TCF4: variants seen among roughly 807,000 people sequenced by gnomAD.
The protein encoded by TCF4 is transcription factor 4, also known as SL3-3 enhancer factor 2.
Under a neutral mutation model 82.1 loss-of-function variants are expected in TCF4, and 3 were observed. That is an observed-to-expected ratio of 0.04 (90% CI 0.02 to 0.09). The LOEUF is 0.09. Ranked by LOEUF, TCF4 falls within the 10% of genes least tolerant of loss-of-function variation. The pLI is 1.00. For missense variants in TCF4, 518 were observed against 852.7 expected, an observed-to-expected ratio of 0.61 and a Z score of 4.89; for synonymous variants, 276 against 309.6, an observed-to-expected ratio of 0.89 and a Z score of 1.14.
At chr18:55,579,901 G>A (rs2097560748) in intron 3 of TCF4, among the ~76,000 whole-genome samples, 1 of 152,060 alleles carries the variant, frequency 6.6e-6, no homozygotes, top group South Asian at 2.1e-4. Flanking sequence ...TTATATGACA[G>A]TCTTTACTGC....
At chr18:55,349,514 G>C (rs1357739255) in intron 8 of TCF4, among the ~76,000 whole-genome samples, 1 of 151,744 alleles carries the variant, frequency 6.6e-6, no homozygotes, top group Non-Finnish European at 1.5e-5. Context: ...GTACTCTACA[G>C]AATTAAATCA....
chr18:55,455,484 T>G (rs1040500952), intron 5 of TCF4, among the ~76,000 whole-genome samples: 1 of 149,894 alleles, frequency 6.7e-6, no homozygotes, highest in East Asian at 2.0e-4. Flanking sequence ...AGTCCAACAC[T>G]TAAGAGTTGA....
chr18:55,281,746 G>GC (rs1451355730), intron 8 of TCF4, among the ~76,000 whole-genome samples: 1 of 150,264 alleles, frequency 6.7e-6, no homozygotes, highest in African/African-American at 2.4e-5. Context: ...GAATTACTTG[G>GC]CATTGCTTTT....
Position 55,232,817 on chromosome 18 carries a change from CA to C in TCF4, c.1487-147del, listed in dbSNP as rs2048282983. On this transcript the variant is annotated intron_variant, in intron 16 of 19. Transcript: ENST00000354452. ...TTCCCCCTGCTATCTGTTGAAGTTT[CA>C]AAAAATGCACCTGCAGAAACAAGTT... 1.1e-5 allele frequency: 11 copies of C among 1,025,288 alleles called. No individual in the cohort carries two copies. The East Asian group carries it at 2.4e-4, about 22-fold the overall frequency. The allele number at this position is 1,025,288 out of a possible 1,614,324, so 63.5% of individuals were successfully genotyped here.
At chr18:55,246,232 C>CATGTGTGTGTGT (rs1555743718) in intron 15 of TCF4, among the ~76,000 whole-genome samples, 1 of 147,656 alleles carries the variant, frequency 6.8e-6, no homozygotes, top group Non-Finnish European at 1.5e-5. Flanking sequence ...TTTAAATACA[C>CATGTGTGTGTGT]GTGTGTGTGT....
At chr18:55,565,305 TAA>T (rs531748404) in intron 3 of TCF4, among the ~76,000 whole-genome samples, 6 of 139,040 alleles carry the variant, frequency 4.3e-5, no homozygotes, top group African/African-American at 5.3e-5. Context: ...TGTTCAACAT[TAA>T]AAAAAAAAAA....
At chr18:55,631,395 G>T (rs774975346) in intron 1 of TCF4, 3 of 1,546,520 alleles carry the variant, frequency 1.9e-6, no homozygotes, top group Non-Finnish European at 2.6e-6. Context: ...TTTGCTGCAG[G>T]GTGGAGAAAA....
At chr18:55,483,133 G>T (rs1461062583) in intron 3 of TCF4, among the ~76,000 whole-genome samples, 1 of 152,168 alleles carries the variant, frequency 6.6e-6, no homozygotes, top group Non-Finnish European at 1.5e-5. Flanking sequence ...GCGACTCTTG[G>T]TGAAATGGAT....
chr18:55,424,693 T>C (rs2094909937), intron 5 of TCF4, among the ~76,000 whole-genome samples: 1 of 152,174 alleles, frequency 6.6e-6, no homozygotes, highest in East Asian at 1.9e-4. Flanking sequence ...AAAAAGCAGA[T>C]TGGTTTTATT....
intron 1 of TCF4, among the ~76,000 whole-genome samples, chr18:55,635,373 G>A (rs1224540604): frequency 6.6e-6 from 1 of 152,092 alleles, no homozygotes; most frequent in Non-Finnish European, 1.5e-5. Context: ...GCCGGGCATT[G>A]TGGTGCATGC....
chr18:55,618,648 C>T (rs1275497948), intron 2 of TCF4, among the ~76,000 whole-genome samples: 1 of 151,910 alleles, frequency 6.6e-6, no homozygotes, highest in East Asian at 1.9e-4. Context: ...GTGGCATGAG[C>T]ACAGCTCATT....
At chr18:55,499,326 C>A (rs17596974) in intron 3 of TCF4, among the ~76,000 whole-genome samples, 1 of 152,118 alleles carries the variant, frequency 6.6e-6, no homozygotes, top group Non-Finnish European at 1.5e-5. Flanking sequence ...TCTGATACAA[C>A]GTGAGAGCCT....
At chr18:55,544,808 A>C (rs1744242978) in intron 3 of TCF4, among the ~76,000 whole-genome samples, 1 of 152,124 alleles carries the variant, frequency 6.6e-6, no homozygotes, top group Admixed American at 6.6e-5. Context: ...CTACGAGTTA[A>C]CTCAAAAGAC....
At position 55,222,624 on chromosome 18, in the gene TCF4, C is replaced by T. The variant is rs886053939; in HGVS notation, c.*5411G>A. On this transcript the variant is annotated 3_prime_UTR_variant, in exon 20 of 20. Coordinates refer to ENST00000354452, the MANE Select transcript of TCF4 (RefSeq NM_001083962.2). ...ATATTGGAGACATCCCCAAATACCACGTACTTGATTAGAACATTCTGTTAT... is the reference window on the plus strand; with the variant it reads ...ATATTGGAGACATCCCCAAATACCATGTACTTGATTAGAACATTCTGTTAT... 2.0e-5 allele frequency: 3 copies of T among 152,644 alleles called. No homozygotes were observed. The highest frequency in any genetic ancestry group is 4.8e-5 in the African/African-American group (2 of 41,460). 9.5% of individuals were successfully genotyped at this position (152,644 alleles called of 1,614,324 possible).
chr18:55,377,814 G>A (rs970712196), intron 6 of TCF4, among the ~76,000 whole-genome samples: 6 of 152,104 alleles, frequency 3.9e-5, no homozygotes, highest in Non-Finnish European at 8.8e-5. Flanking sequence ...ATACTGTGTT[G>A]AACTTGTATT....
chr18:55,471,705 G>A (rs747728678), intron 3 of TCF4, among the ~76,000 whole-genome samples: 1 of 151,342 alleles, frequency 6.6e-6, no homozygotes, highest in Non-Finnish European at 1.5e-5. Context: ...GATGGAGGCT[G>A]CAGTGATCCA....
At chr18:55,619,260 T>C (rs768700077) in intron 2 of TCF4, among the ~76,000 whole-genome samples, 3 of 152,188 alleles carry the variant, frequency 2.0e-5, no homozygotes, top group Non-Finnish European at 4.4e-5. Flanking sequence ...TTAGGAAGCA[T>C]TGGTCATTTG....
chr18:55,304,747 T>C (rs1170075906), intron 8 of TCF4, among the ~76,000 whole-genome samples: 2 of 152,096 alleles, frequency 1.3e-5, no homozygotes, highest in Non-Finnish European at 2.9e-5. Context: ...AAATCTTTGG[T>C]CCTTATTCAA....
chr18:55,390,339 C>G (rs188252726), intron 6 of TCF4, among the ~76,000 whole-genome samples: 5,985 of 139,176 alleles, frequency 0.043, 189 homozygotes, highest in South Asian at 0.19. Flanking sequence ...GTCATAAATA[C>G]TAAGGCCTCA....
Sources: allele counts gnomAD v4.1 joint callset (sites outside exome capture counted in the v4.1 genomes callset), GRCh38; gene constraint gnomAD v4.1.1; transcripts MANE v1.5; gene names NCBI Gene and HGNC (gene_info 2026-07-23, HGNC 2026-07-21).